The following NOL12 variants were observed in gnomAD, a reference collection of about 807,000 sequenced individuals.
The protein encoded by NOL12 is nucleolar protein 12.
Under a neutral mutation model 25.2 loss-of-function variants are expected in NOL12, and 21 were observed. That is an observed-to-expected ratio of 0.83 (90% CI 0.59 to 1.20). The LOEUF is 1.20. Among genes scored for constraint, NOL12 ranks in the 50% most tolerant of loss-of-function variants. The probability of loss-of-function intolerance (pLI) is 0.00; values close to 1 mark genes in which losing one functional copy is unlikely to be tolerated. For synonymous variants in NOL12, 133 were observed against 113.8 expected, an observed-to-expected ratio of 1.17 and a Z score of -1.08; for missense variants, 286 against 287.6, an observed-to-expected ratio of 0.99 and a Z score of 0.04.
chr22:37,686,371 G>C lies in NOL12; in HGVS notation c.-22G>C. 1.3e-6 allele frequency: 2 copies of C among 1,582,936 alleles called. No individual in the cohort carries two copies. Among genetic ancestry groups the C allele is most frequent in the Non-Finnish European group, 1.7e-6 (2 of 1,168,002 alleles). On this transcript the variant is annotated 5_prime_UTR_variant, in exon 1 of 6. Transcript: ENST00000359114. The stretch of plus-strand genomic sequence containing the variant: ...ACACCCGGAAGTGTCTTCAGGGAGA[G>C]GAAGCCGGCGGCCTCACTGCTATGG...
chr22:37,690,137 C>T (rs1922002655), intron 4 of NOL12, among the ~76,000 whole-genome samples: 1 of 152,114 alleles, frequency 6.6e-6, no homozygotes, highest in African/African-American at 2.4e-5. Context: ...TGCCATTGCA[C>T]TCCAGCCTGG....
chr22:37,688,253 C>T lies in NOL12; in HGVS notation c.190-59C>T, dbSNP rs1054914383. 12 of 1,572,228 alleles carry T rather than the reference C, an allele frequency of 7.6e-6. No homozygotes were observed. The Admixed American group carries it at 1.2e-4, about 15-fold the overall frequency. On this transcript the variant is annotated intron_variant, in intron 2 of 5. Transcript: ENST00000359114. ...CTCACCCTGGGGGTGATTAATACCC[C>T]AGCCTGAGGTTGGACTGAGAGGCCA...
chr22:37,687,825 G>A (rs534461333), intron 1 of NOL12, 85 bp from the exon 2 acceptor site: 24 of 970,568 alleles, frequency 2.5e-5, no homozygotes, highest in African/African-American at 2.4e-4. Flanking sequence ...CATAGTGAGC[G>A]CGGCATTAGC....
chr22:37,691,364 T>A lies in NOL12; in HGVS notation c.*28T>A, dbSNP rs1922059341. The A allele has an allele frequency of 3.8e-6, 6 of 1,580,024 alleles. No homozygotes were observed. In the African/African-American group the frequency reaches 8.1e-5, roughly 21 times the overall value. On this transcript the variant is annotated 3_prime_UTR_variant, in exon 6 of 6. Transcript: ENST00000359114. ...CCGAGAACGAAGCGGTGCCCCAGTC[T>A]AGGCTGCGGGGACCTGTCCTTGCTC...
In NOL12 at chr22:37,687,979, G is replaced by A; in HGVS notation, c.153G>A (p.Gln51=). The change falls in exon 2 of 6, where the codon CAG becomes CAA. Residue 51 remains glutamine (Q), a synonymous_variant. Transcript: ENST00000359114. The stretch of plus-strand genomic sequence containing the variant: ...AGGCAGCCATTGAGGAGATTAAGCA[G>A]CGGCTGAAAGAGGAGCAGAGGAAGC... ...RKKAAIEEIK[Q]RLKEEQRKLR... is the part of the protein sequence containing the mutation. The A allele has an allele frequency of 6.3e-7, 1 of 1,587,988 alleles. No individual in the cohort carries two copies. The highest frequency in any genetic ancestry group is 1.3e-5 in the African/African-American group (1 of 74,638).
rs766314049 is a variant in NOL12, at chr22:37,687,946, G to A, written c.120G>A (p.Glu40=). ...CAGGCTTCCACAAGCGGAAGGTCGA[G>A]CGAAAGAAGGCAGCCATTGAGGAGA... The part of the protein sequence containing the change: ...YLTGFHKRKV[E]RKKAAIEEIK... The change falls in exon 2 of 6, where the codon GAG becomes GAA. Residue 40 remains glutamate, a synonymous_variant. Transcript: ENST00000359114. 2 of 1,587,274 alleles carry A rather than the reference G, an allele frequency of 1.3e-6. No individual in the cohort carries two copies. Among genetic ancestry groups the A allele is most frequent in the Non-Finnish European group, 8.6e-7 (1 of 1,167,120 alleles).
intron 1 of NOL12, among the ~76,000 whole-genome samples, chr22:37,687,448 C>T (rs1227167339): frequency 6.6e-6 from 1 of 152,110 alleles, no homozygotes; most frequent in Non-Finnish European, 1.5e-5. Context: ...ACCCACCGCA[C>T]AGGTTATTGT....
At chr22:37,690,653 C>G (rs764729798) in intron 4 of NOL12, 44 bp from the exon 5 acceptor site, 2 of 1,483,774 alleles carry the variant, frequency 1.3e-6, no homozygotes, top group South Asian at 2.3e-5. Context: ...CCCAGGTCCC[C>G]CCAGCTACTG....
chr22:37,688,335 G>T lies in NOL12; in HGVS notation c.213G>T (p.Met71Ile). The T allele has an allele frequency of 1.2e-6, 2 of 1,614,210 alleles. No individual in the cohort carries two copies. The highest frequency in any genetic ancestry group is 2.2e-5 in the South Asian group (2 of 91,088). The change falls in exon 3 of 6, where the codon ATG becomes ATT. Residue 71 changes from methionine to isoleucine, a missense_variant. By Grantham distance (10) the Met-to-Ile change is conservative (BLOSUM62 1). Coordinates refer to ENST00000359114, the MANE Select transcript of NOL12 (RefSeq NM_024313.3). ...REERHQEYLK[M>I]LAEREEALEE... Reference sequence around the variant, plus strand: ...AGCGCCACCAGGAATACTTGAAGATGCTGGCAGAGAGAGAAGAGGCTCTGG... The same window carrying T: ...AGCGCCACCAGGAATACTTGAAGATTCTGGCAGAGAGAGAAGAGGCTCTGG...
At chr22:37,687,027 G>T in intron 1 of NOL12, 1 of 985,426 alleles carries the variant, frequency 1.0e-6, no homozygotes, top group Non-Finnish European at 1.2e-6. Context: ...ATGAGAAGGG[G>T]CTGAGATTAG....
chr22:37,686,547 A>C, intron 1 of NOL12, 72 bp downstream of exon 1: 1 of 1,450,796 alleles, frequency 6.9e-7, no homozygotes, highest in Non-Finnish European at 9.1e-7. Context: ...GGGGCCGAGC[A>C]CGCTCCCGCC....
At chr22:37,686,700 A>G (rs1433859596) in intron 1 of NOL12, 2 of 985,314 alleles carry the variant, frequency 2.0e-6, no homozygotes, top group East Asian at 1.1e-4. Flanking sequence ...GCGCCGCCAG[A>G]TAGCCGGAAG....
In NOL12 at chr22:37,691,581, C is replaced by T. The variant is rs891152163; in HGVS notation, c.*245C>T. On this transcript the variant is annotated 3_prime_UTR_variant, in exon 6 of 6. Transcript: ENST00000359114. ...CCCCCAGGAAGAGCCTTCAGAGCCA[C>T]GTGGGGGCATCTTCCCAAATGTGCA... The T allele has an allele frequency of 2.3e-5, 11 of 468,580 alleles. No individual in the cohort carries two copies. Among genetic ancestry groups the T allele is most frequent in the East Asian group, 1.4e-4 (4 of 29,012 alleles). 29.0% of individuals were successfully genotyped at this position (468,580 alleles called of 1,614,324 possible). A position where few individuals can be genotyped will look rare whatever the true frequency, so the allele number is the denominator to read the frequency against.
chr22:37,687,262 C>A (rs374307970), intron 1 of NOL12, among the ~76,000 whole-genome samples: 3 of 135,768 alleles, frequency 2.2e-5, no homozygotes, highest in South Asian at 3.0e-4. Context: ...TGTGTGGCCC[C>A]CCCCCCCACC....
chr22:37,688,383 C>T (rs765054174), intron 3 of NOL12, 23 bp downstream of exon 3: 2 of 1,612,612 alleles, frequency 1.2e-6, no homozygotes, highest in East Asian at 2.2e-5. Context: ...CTTGGCCTGA[C>T]CTGGAGAACA....
intron 4 of NOL12, 38 bp downstream of exon 4, chr22:37,689,030 G>A: frequency 6.2e-7 from 1 of 1,602,998 alleles, no homozygotes; most frequent in African/African-American, 1.3e-5. Context: ...AAGGGGCGTG[G>A]GGGCAGACCA....
At position 37,688,766 on chromosome 22, in the gene NOL12, G is replaced by C. The variant is rs116640585; in HGVS notation, c.239-84G>C. On this transcript the variant is annotated intron_variant, in intron 3 of 5. Coordinates refer to ENST00000359114, the MANE Select transcript of NOL12 (RefSeq NM_024313.3). Reference sequence around the variant, plus strand: ...GCTCCACGTCCACAGAGTAGAGGGGGCACTGCACTCCAGGGCGGGAGGGAG... The same window carrying C: ...GCTCCACGTCCACAGAGTAGAGGGGCCACTGCACTCCAGGGCGGGAGGGAG... 7 of 1,408,966 alleles carry C rather than the reference G, an allele frequency of 5.0e-6. No homozygotes were observed. The Admixed American group carries it at 1.2e-4, about 24-fold the overall frequency. 87.3% of individuals were successfully genotyped at this position (1,408,966 alleles called of 1,614,324 possible).
At chr22:37,690,913 A>G (rs1922037841) in intron 5 of NOL12, 119 bp downstream of exon 5, 1 of 753,906 alleles carries the variant, frequency 1.3e-6, no homozygotes, top group Non-Finnish European at 2.2e-6. Flanking sequence ...CTGTCCAGTG[A>G]TCCTCTGCCT....
In NOL12 at chr22:37,686,377, C is replaced by T. The variant is rs147183523; in HGVS notation, c.-16C>T. On this transcript the variant is annotated 5_prime_UTR_variant, in exon 1 of 6. Transcript: ENST00000359114. ...GGAAGTGTCTTCAGGGAGAGGAAGC[C>T]GGCGGCCTCACTGCTATGGGCCGCA... 95 of 1,585,530 alleles carry T rather than the reference C, an allele frequency of 6.0e-5. No individual in the cohort carries two copies. Among genetic ancestry groups the T allele is most frequent in the East Asian group, 4.2e-4 (18 of 42,450 alleles).
Sources: allele counts gnomAD v4.1 joint callset (sites outside exome capture counted in the v4.1 genomes callset), GRCh38; gene constraint gnomAD v4.1.1; transcripts MANE v1.5; gene names NCBI Gene and HGNC (gene_info 2026-07-23, HGNC 2026-07-21).